PTGFRN: variants seen among roughly 807,000 people sequenced by gnomAD.
PTGFRN encodes the protein prostaglandin F2 receptor inhibitor.
In PTGFRN, 35 loss-of-function variants were observed where a neutral mutation model predicts 83.2. That is an observed-to-expected ratio of 0.42 (90% CI 0.32 to 0.56). The LOEUF (loss-of-function observed/expected upper bound fraction) is 0.56. Among genes scored for constraint, PTGFRN ranks in the 20% least tolerant of loss-of-function variants. PTGFRN has a pLI of 0.11. For missense variants in PTGFRN, 1,051 were observed against 1,179.5 expected (o/e 0.89, Z 1.60); for synonymous variants, 519 against 498.6 (o/e 1.04, Z -0.55).
chr1:116,963,031 C>G (rs1473144477), intron 5 of PTGFRN, among the ~76,000 whole-genome samples: 1 of 152,118 alleles, frequency 6.6e-6, no homozygotes, highest in East Asian at 1.9e-4. Context: ...TTGCATACAC[C>G]CCTAGCTTCC....
At chr1:116,931,572 C>T (rs1188090135) in intron 1 of PTGFRN, among the ~76,000 whole-genome samples, 1 of 149,210 alleles carries the variant, frequency 6.7e-6, no homozygotes, top group Non-Finnish European at 1.5e-5. Flanking sequence ...TTTTGAAGTT[C>T]TGCCATATGT....
intron 7 of PTGFRN, chr1:116,974,580 G>A: frequency 2.5e-6 from 1 of 398,700 alleles, no homozygotes; most frequent in Non-Finnish European, 4.4e-6. Context: ...GTCACTTCCA[G>A]GCCTATTTCA....
In PTGFRN at chr1:116,937,933, C is replaced by T. The variant is rs188684197; in HGVS notation, c.50-3782C>T. ...CAGCCCTCAGGGAGGGTGGTGACCA[C>T]GGTCTCCATTTCACACGTGAGGAAA... is the stretch of plus-strand genomic sequence containing the variant. On this transcript the variant is annotated intron_variant, in intron 1 of 8. Coordinates refer to ENST00000393203, the MANE Select transcript of PTGFRN (RefSeq NM_020440.4). 2.5e-3 allele frequency among the ~76,000 whole-genome samples: 374 copies of T among 152,220 alleles called. 1 individual carries two copies. The highest frequency in any genetic ancestry group is 4.7e-3 in the Admixed American group (72 of 15,298).
At chr1:116,935,093 A>G (rs921649942) in intron 1 of PTGFRN, among the ~76,000 whole-genome samples, 4 of 152,200 alleles carry the variant, frequency 2.6e-5, no homozygotes, top group Admixed American at 2.0e-4. Context: ...CTTCTCAGCC[A>G]CTTACCACCT....
intron 3 of PTGFRN, among the ~76,000 whole-genome samples, chr1:116,946,230 G>A (rs1020538349): frequency 6.6e-6 from 1 of 152,176 alleles, no homozygotes; most frequent in East Asian, 1.9e-4. Context: ...TGTCTCTGAA[G>A]GTGCATTGTC....
chr1:116,944,622 C>T (rs1570657520), intron 2 of PTGFRN, 57 bp from the exon 3 acceptor site: 30 of 1,344,990 alleles, frequency 2.2e-5, no homozygotes, highest in Non-Finnish European at 2.7e-5. Context: ...GTGGGCTGGC[C>T]CTTGCCGGCT....
In PTGFRN at chr1:116,942,094, C is replaced by T. The variant is rs1399992590; in HGVS notation, c.418+11C>T. 2 of 1,598,008 alleles carry T rather than the reference C, an allele frequency of 1.3e-6. No individual in the cohort carries two copies. The highest frequency in any genetic ancestry group is 8.6e-7 in the Non-Finnish European group (1 of 1,169,060). Reference sequence around the variant, plus strand: ...CAGTGCAGGTTAAAGGTACAGTCCTCACATGGGCTTGTTATGCCAGGGGCC... The same window carrying T: ...CAGTGCAGGTTAAAGGTACAGTCCTTACATGGGCTTGTTATGCCAGGGGCC... On this transcript the variant is annotated intron_variant, in intron 2 of 8. Transcript: ENST00000393203.
chr1:116,984,696 T>C lies in PTGFRN; in HGVS notation c.2184T>C (p.Asp728=). The change falls in exon 8 of 9, where the codon GAT becomes GAC. Residue 728 remains aspartate, a synonymous_variant. Transcript: ENST00000393203. ...AALDPDDMAF[D]VSWFAVHSFG... ...AATCCGTAGATGACATGGCCTTTGA[T>C]GTGTCCTGGTTTGCGGTGCACTCTT... 3.1e-6 allele frequency: 5 copies of C among 1,614,084 alleles called. No homozygotes were observed.
At position 116,923,522 on chromosome 1, in the gene PTGFRN, T is replaced by C. The variant is rs974507063; in HGVS notation, c.49+13270T>C. 1.1e-4 allele frequency among the ~76,000 whole-genome samples: 17 copies of C among 152,060 alleles called. No individual in the cohort carries two copies. Among genetic ancestry groups the C allele is most frequent in the Non-Finnish European group, 2.9e-5 (2 of 68,006 alleles). Reference sequence around the variant, plus strand: ...GGGTGGAAGACAGATGACTCATGAGTTCTCATTATTGTTTCTCCACTGCCT... The same window carrying C: ...GGGTGGAAGACAGATGACTCATGAGCTCTCATTATTGTTTCTCCACTGCCT... On this transcript the variant is annotated intron_variant, in intron 1 of 8. Coordinates refer to ENST00000393203, the MANE Select transcript of PTGFRN (RefSeq NM_020440.4). This position sits in a 1 kb window ranked among gnomAD's most constrained non-coding sequence, Gnocchi z 4.0.
In PTGFRN at chr1:116,988,528, G is replaced by A. The variant is rs1651589623; in HGVS notation, c.*1561G>A. ...CTCTGCTTTTATCTTGACTTTGAAG[G>A]ATCTAACACTGCTCTCTCTTCCAAA... is the stretch of plus-strand genomic sequence containing the variant. On this transcript the variant is annotated 3_prime_UTR_variant, in exon 9 of 9. Coordinates refer to ENST00000393203, the MANE Select transcript of PTGFRN (RefSeq NM_020440.4). The A allele has an allele frequency of 6.6e-6, 1 of 152,586 alleles. No individual in the cohort carries two copies. The highest frequency in any genetic ancestry group is 6.5e-5 in the Admixed American group (1 of 15,280). 9.5% of individuals were successfully genotyped at this position (152,586 alleles called of 1,614,324 possible).
chr1:116,917,002 A>T (rs921409988), intron 1 of PTGFRN, among the ~76,000 whole-genome samples: 56 of 152,034 alleles, frequency 3.7e-4, no homozygotes, highest in African/African-American at 1.2e-3. Context: ...GTAGTCAGGG[A>T]ACGGAAGAAG....
chr1:116,974,116 A>G (rs529891804), intron 6 of PTGFRN, 100 bp from the exon 7 acceptor site: 70 of 886,390 alleles, frequency 7.9e-5, no homozygotes, highest in Non-Finnish European at 1.2e-4. Flanking sequence ...ACCAGTTCCC[A>G]GGGAAGAGAA....
In PTGFRN at chr1:116,910,019, C is replaced by A. The variant is rs1649214781; in HGVS notation, c.-185C>A. ...AGGGAGGGAAGGAGGCGGGAGGGAG[C>A]GAGCGGAGCCAGGGGCGCACGTACG... is the stretch of plus-strand genomic sequence containing the variant. On this transcript the variant is annotated 5_prime_UTR_variant, in exon 1 of 9. Coordinates refer to ENST00000393203, the MANE Select transcript of PTGFRN (RefSeq NM_020440.4). 8.8e-6 allele frequency: 6 copies of A among 685,520 alleles called. No individual in the cohort carries two copies. In the Admixed American group the frequency reaches 1.4e-4, roughly 16 times the overall value. 42.5% of individuals were successfully genotyped at this position (685,520 alleles called of 1,614,324 possible).
intron 1 of PTGFRN, among the ~76,000 whole-genome samples, chr1:116,930,829 G>A (rs1026710914): frequency 6.6e-6 from 1 of 152,024 alleles, no homozygotes; most frequent in Non-Finnish European, 1.5e-5. Context: ...GTCCCCCGTG[G>A]CCCCTTTAGG....
At position 116,944,819 on chromosome 1, in the gene PTGFRN, G is replaced by A. The variant is rs577198717; in HGVS notation, c.559G>A (p.Val187Met). The A allele has an allele frequency of 1.9e-4, 293 of 1,574,964 alleles. 2 individuals carry two copies. The South Asian group carries it at 3.2e-3, about 17-fold the overall frequency. ...CACGCACCTGGCGCTGCTGTGGGAG[G>A]TGCACCGCGGCCCGGCCAGGCGGAG... ...LHTHLALLWE[V>M]HRGPARRSVL... The change falls in exon 3 of 9, where the codon GTG becomes ATG. Residue 187 changes from valine to methionine, a missense_variant. This residue lies in a region of PTGFRN where 205 missense variants were observed against 174.5 expected (regional missense o/e 1.17). Transcript: ENST00000393203.
At chr1:116,910,321 G>A in intron 1 of PTGFRN, 69 bp downstream of exon 1, 1 of 1,227,696 alleles carries the variant, frequency 8.1e-7, no homozygotes, top group African/African-American at 1.6e-5. Context: ...GGCGGGGCGC[G>A]GCTGCAGCGC....
At position 116,961,723 on chromosome 1, in the gene PTGFRN, C is replaced by G; in HGVS notation, c.1639+55C>G. ...TGTTTTGTCTTTGCTTAAGTCGTGC[C>G]GCTGTGTGTTGATGCACAGTCACCC... On this transcript the variant is annotated intron_variant, in intron 5 of 8. Coordinates refer to ENST00000393203, the MANE Select transcript of PTGFRN (RefSeq NM_020440.4). This position sits in a 1 kb window ranked among gnomAD's most constrained non-coding sequence, Gnocchi z 5.4. The G allele has an allele frequency of 6.6e-7, 1 of 1,505,620 alleles. No homozygotes were observed. The highest frequency in any genetic ancestry group is 9.0e-7 in the Non-Finnish European group (1 of 1,112,012). The allele number at this position is 1,505,620 out of a possible 1,614,324, so 93.3% of individuals were successfully genotyped here.
chr1:116,942,118 C>T lies in PTGFRN; in HGVS notation c.418+35C>T, dbSNP rs1234928454. On this transcript the variant is annotated intron_variant, in intron 2 of 8. Transcript: ENST00000393203. Reference sequence around the variant, plus strand: ...TCACATGGGCTTGTTATGCCAGGGGCCAGACCTTTCTCTGCCCCTGGGCTG... The same window carrying T: ...TCACATGGGCTTGTTATGCCAGGGGTCAGACCTTTCTCTGCCCCTGGGCTG... 5 of 1,570,778 alleles carry T rather than the reference C, an allele frequency of 3.2e-6. No homozygotes were observed. The African/African-American group carries it at 4.1e-5, about 13-fold the overall frequency.
At chr1:116,951,028 C>T (rs1166404389) in intron 4 of PTGFRN, among the ~76,000 whole-genome samples, 1 of 152,174 alleles carries the variant, frequency 6.6e-6, no homozygotes, top group African/African-American at 2.4e-5. Context: ...AGCTCTGATC[C>T]TTAGTGTATT....
Sources: gnomAD v4.1 joint callset for allele counts (sites outside exome capture counted in the v4.1 genomes callset) on GRCh38, gnomAD v4.1.1 for gene constraint, gnomAD v4.1.1 regional missense constraint, Gnocchi (gnomAD v3.1) non-coding constraint, MANE v1.5 for transcripts, NCBI Gene and HGNC (gene_info 2026-07-23, HGNC 2026-07-21) for gene names.